Variants in TRIM2 observed in about 807,000 individuals in gnomAD.
TRIM2 encodes tripartite motif containing 2.
In TRIM2, 20 loss-of-function variants were observed where a neutral mutation model predicts 75.2. The ratio of observed to expected loss-of-function variants is 0.27; its 90% CI spans 0.19 to 0.39. The LOEUF is 0.39. TRIM2 is among the 10% of genes least tolerant of loss of function. TRIM2 has a pLI of 1.00. For missense variants in TRIM2, 660 were observed against 990.8 expected (o/e 0.67, Z 4.48); for synonymous variants, 373 against 388.3 (o/e 0.96, Z 0.46).
intron 3 of TRIM2, among the ~76,000 whole-genome samples, chr4:153,279,826 G>T (rs780485732): frequency 7.9e-5 from 12 of 151,790 alleles, no homozygotes; most frequent in African/African-American, 2.7e-4. Context: ...GACTGTAGTC[G>T]CAGCTACTCA....
intron 1 of TRIM2, among the ~76,000 whole-genome samples, chr4:153,244,771 G>T (rs994464160): frequency 6.6e-6 from 1 of 152,126 alleles, no homozygotes; most frequent in Non-Finnish European, 1.5e-5. Context: ...CATTGCAGGA[G>T]AAAGTAAAAC....
At chr4:153,324,561 G>A (rs1769740529) in intron 10 of TRIM2, 1 of 202,872 alleles carries the variant, frequency 4.9e-6, no homozygotes, top group Non-Finnish European at 9.7e-6. Flanking sequence ...AGCATGGGGA[G>A]GGGGATAATC....
intron 1 of TRIM2, among the ~76,000 whole-genome samples, chr4:153,171,238 T>C (rs1730817540): frequency 6.6e-6 from 1 of 152,204 alleles, no homozygotes; most frequent in Non-Finnish European, 1.5e-5. Context: ...CTGATGTAGC[T>C]CTGCACCCCT....
intron 1 of TRIM2, among the ~76,000 whole-genome samples, chr4:153,183,688 C>T (rs371526022): frequency 2.1e-4 from 32 of 152,164 alleles, no homozygotes; most frequent in Admixed American, 2.1e-3. Flanking sequence ...ATCAGTGTAT[C>T]TGAGTTTGTA....
Position 153,334,907 on chromosome 4 carries a change from C to G in TRIM2, c.2257C>G (p.His753Asp). The G allele has an allele frequency of 1.9e-6, 3 of 1,613,972 alleles. No individual in the cohort carries two copies. Among genetic ancestry groups the G allele is most frequent in the Non-Finnish European group, 2.5e-6 (3 of 1,179,930 alleles). ...AGGCCTGGCCCTAACTTCAGATGGT[C>G]ATGTTGTGGTTGCAGACTCTGGAAA... ...PQGLALTSDG[H>D]VVVADSGNHC... The change falls in exon 12 of 12, where the codon CAT becomes GAT. Residue 753 changes from histidine to aspartate, a missense_variant. Coordinates refer to ENST00000338700, the MANE Select transcript of TRIM2 (RefSeq NM_015271.5).
intron 1 of TRIM2, among the ~76,000 whole-genome samples, chr4:153,167,800 T>A (rs1476643466): frequency 1.3e-5 from 2 of 152,166 alleles, no homozygotes; most frequent in East Asian, 3.8e-4. Flanking sequence ...AAACAGTGCC[T>A]AATTTAAAGG....
chr4:153,244,355 C>CCTCTTCTTCTTCCTCT, intron 1 of TRIM2, among the ~76,000 whole-genome samples: 1 of 12,714 alleles, frequency 7.9e-5, no homozygotes, highest in Non-Finnish European at 1.3e-4. Context: ...CTTCTTCTTC[C>CCTCTTCTTCTTCCTCT]TCTTCTTCTT....
intron 8 of TRIM2, among the ~76,000 whole-genome samples, chr4:153,318,317 C>T (rs1332224454): frequency 2.0e-5 from 3 of 152,184 alleles, no homozygotes; most frequent in Admixed American, 6.5e-5. Context: ...AAATGAGTTA[C>T]GTAATTGTGA....
At chr4:153,275,844 G>T (rs192940215) in intron 2 of TRIM2, 49 bp from the exon 3 acceptor site, 1 of 1,534,360 alleles carries the variant, frequency 6.5e-7, no homozygotes, top group Non-Finnish European at 9.0e-7. Context: ...CCTGTGAGAA[G>T]TGGAGGTTCT....
chr4:153,205,499 GTCC>G (rs777356957), intron 1 of TRIM2, among the ~76,000 whole-genome samples: 5 of 152,086 alleles, frequency 3.3e-5, no homozygotes, highest in African/African-American at 1.2e-4. Flanking sequence ...GCTTTAGAAA[GTCC>G]TCCTCCTCCT....
At chr4:153,313,773 A>G (rs2149519784) in intron 6 of TRIM2, among the ~76,000 whole-genome samples, 1 of 150,870 alleles carries the variant, frequency 6.6e-6, no homozygotes, top group South Asian at 2.1e-4. Flanking sequence ...AGTAGCTGGG[A>G]TTACAGGCAC....
At chr4:153,331,601 TCAG>T (rs144097878) in intron 11 of TRIM2, among the ~76,000 whole-genome samples, 9,717 of 152,236 alleles carry the variant, frequency 0.064, 408 homozygotes, top group Middle Eastern at 0.12. Flanking sequence ...ACACAAAATC[TCAG>T]CAGGATTTTT....
In TRIM2 at chr4:153,302,801, T is replaced by G. The variant is rs74692028; in HGVS notation, c.1510+6765T>G. Among the ~76,000 whole-genome samples the G allele has an allele frequency of 6.1e-3, 934 of 152,392 alleles. 10 individuals carry two copies. The highest frequency in any genetic ancestry group is 0.021 in the African/African-American group (885 of 41,596). On this transcript the variant is annotated intron_variant, in intron 6 of 11. Coordinates refer to ENST00000338700, the MANE Select transcript of TRIM2 (RefSeq NM_015271.5). ...TCTCTTTCAAAATACACTTTGATTATTGTTACTTATGCCTGGGTCTTATTA... is the reference window on the plus strand; with the variant it reads ...TCTCTTTCAAAATACACTTTGATTAGTGTTACTTATGCCTGGGTCTTATTA...
At chr4:153,192,478 G>A (rs1405166820) in intron 1 of TRIM2, among the ~76,000 whole-genome samples, 3 of 151,756 alleles carry the variant, frequency 2.0e-5, no homozygotes, top group Non-Finnish European at 4.4e-5. Context: ...ATAGTGGTGG[G>A]CGCCAGTAGT....
intron 1 of TRIM2, among the ~76,000 whole-genome samples, chr4:153,232,479 CAG>C (rs567587685): frequency 2.6e-5 from 4 of 152,112 alleles, no homozygotes; most frequent in Non-Finnish European, 2.9e-5. Context: ...AGCCTGGTGA[CAG>C]AGTGAGGCTG....
At chr4:153,257,683 T>C in intron 1 of TRIM2, 1 of 1,018,608 alleles carries the variant, frequency 9.8e-7, no homozygotes, top group Non-Finnish European at 1.3e-6. Context: ...GTTGTTCTTT[T>C]GGATTGCCGC....
chr4:153,245,556 C>A (rs887988017), intron 1 of TRIM2, among the ~76,000 whole-genome samples: 39 of 152,216 alleles, frequency 2.6e-4, no homozygotes, highest in African/African-American at 7.9e-4. Context: ...TTGGAAAAAA[C>A]CAACAGAAAA....
intron 1 of TRIM2, among the ~76,000 whole-genome samples, chr4:153,238,183 C>G (rs1390293201): frequency 6.6e-6 from 1 of 152,218 alleles, no homozygotes; most frequent in Admixed American, 6.5e-5. Flanking sequence ...ACAGTGGCTT[C>G]TGTGTGTGTC....
chr4:153,198,212 C>A (rs1436113844), intron 1 of TRIM2, among the ~76,000 whole-genome samples: 1 of 152,158 alleles, frequency 6.6e-6, no homozygotes, highest in African/African-American at 2.4e-5. Context: ...CTTAGGAGGT[C>A]TGAGCATTTG....
Sources: allele counts gnomAD v4.1 joint callset (sites outside exome capture counted in the v4.1 genomes callset), GRCh38; gene constraint gnomAD v4.1.1; transcripts MANE v1.5; gene names NCBI Gene and HGNC (gene_info 2026-07-23, HGNC 2026-07-21).